The following CTNNA2 variants were observed in gnomAD, a reference collection of about 807,000 sequenced individuals.
CTNNA2 encodes the protein catenin alpha 2.
A neutral mutation model predicts 101.0 loss-of-function variants in CTNNA2; 42 were observed. That is an observed-to-expected ratio of 0.42 (90% CI 0.32 to 0.54). The LOEUF (loss-of-function observed/expected upper bound fraction) is 0.54, where lower values mean the gene tolerates loss of function less well. CTNNA2 is among the 20% of genes least tolerant of loss of function. CTNNA2 has a pLI of 0.14. For synonymous variants in CTNNA2, 450 were observed against 456.4 expected (o/e 0.99, Z 0.18); for missense variants, 871 against 1,223.1 (o/e 0.71, Z 4.29).
At chr2:80,239,622 A>T (rs1168310012) in intron 7 of CTNNA2, among the ~76,000 whole-genome samples, 4 of 152,148 alleles carry the variant, frequency 2.6e-5, no homozygotes, top group African/African-American at 9.7e-5. Context: ...ATAAAATAGA[A>T]TAGTTATGGC....
At chr2:80,527,330 C>T (rs1443440044) in intron 9 of CTNNA2, among the ~76,000 whole-genome samples, 1 of 152,144 alleles carries the variant, frequency 6.6e-6, no homozygotes, top group African/African-American at 2.4e-5. Flanking sequence ...TGTGGTAGGC[C>T]TGTGAGTCTC....
chr2:80,226,747 G>A (rs547647006), intron 7 of CTNNA2, among the ~76,000 whole-genome samples: 1 of 152,206 alleles, frequency 6.6e-6, no homozygotes, highest in South Asian at 2.1e-4. Flanking sequence ...TCATGACTCT[G>A]GGGGCCAAAG....
intron 4 of CTNNA2, among the ~76,000 whole-genome samples, chr2:79,495,068 A>C (rs189987181): frequency 4.6e-5 from 7 of 152,130 alleles, no homozygotes; most frequent in Non-Finnish European, 1.0e-4. Flanking sequence ...GCGCCACTGC[A>C]CTCCAGCCTG....
At chr2:79,672,690 T>C (rs79186956) in intron 2 of CTNNA2, among the ~76,000 whole-genome samples, 1,863 of 151,604 alleles carry the variant, frequency 0.012, 27 homozygotes, top group Middle Eastern at 0.021. Flanking sequence ...TATTTTCCGA[T>C]GCAACATTTT....
At chr2:79,416,400 TC>T (rs1678482112) in intron 4 of CTNNA2, among the ~76,000 whole-genome samples, 1 of 151,984 alleles carries the variant, frequency 6.6e-6, no homozygotes, top group African/African-American at 2.4e-5. Context: ...AAAGCTTTAA[TC>T]TTTTCCAAAC....
chr2:79,245,783 C>T (rs1028309432), intron 2 of CTNNA2, among the ~76,000 whole-genome samples: 3 of 152,186 alleles, frequency 2.0e-5, no homozygotes, highest in African/African-American at 7.2e-5. Context: ...TGTCTGGTCC[C>T]AGCCCCAAAT....
At chr2:79,502,291 T>C (rs1042151660) in intron 4 of CTNNA2, among the ~76,000 whole-genome samples, 4 of 152,346 alleles carry the variant, frequency 2.6e-5, no homozygotes, top group African/African-American at 9.6e-5. Flanking sequence ...TGTGCTATCT[T>C]GAGTAGCTAG....
intron 7 of CTNNA2, among the ~76,000 whole-genome samples, chr2:79,957,521 GTCTTTCCTGGCTCCTGTAAAGTTAGT>G (rs1689320947): frequency 6.6e-6 from 1 of 152,164 alleles, no homozygotes; most frequent in African/African-American, 2.4e-5. Flanking sequence ...TGTCAACAGG[GTCTTTCCTGGCTCCTGTAAAGTTAGT>G]TCTTTCCCAT....
rs561875077 is a variant in CTNNA2, at chr2:79,778,955, C to T, written c.298+34373C>T. Among the ~76,000 whole-genome samples, 7 of 152,294 alleles carry T rather than the reference C, an allele frequency of 4.6e-5. No homozygotes were observed. In the South Asian group the frequency reaches 1.5e-3, roughly 32 times the overall value. ...AACAAGTGGCAGTCTGAGTGTGGCCCATGGGCCAAAGTTTGCTAATTCCTG... is the reference window on the plus strand; with the variant it reads ...AACAAGTGGCAGTCTGAGTGTGGCCTATGGGCCAAAGTTTGCTAATTCCTG... On this transcript the variant is annotated intron_variant, in intron 3 of 18. Transcript: ENST00000402739.
At chr2:80,231,283 G>A (rs1307406360) in intron 7 of CTNNA2, among the ~76,000 whole-genome samples, 2 of 152,040 alleles carry the variant, frequency 1.3e-5, no homozygotes, top group African/African-American at 2.4e-5. Flanking sequence ...CACCACACCC[G>A]GCCTGTTCCT....
chr2:80,093,077 C>T (rs914413933), intron 7 of CTNNA2, among the ~76,000 whole-genome samples: 1 of 151,826 alleles, frequency 6.6e-6, no homozygotes, highest in African/African-American at 2.4e-5. Flanking sequence ...CATATGAATA[C>T]ATGTGCCATG....
intron 9 of CTNNA2, among the ~76,000 whole-genome samples, chr2:80,535,906 C>G (rs529866140): frequency 6.6e-6 from 1 of 152,172 alleles, no homozygotes; most frequent in Non-Finnish European, 1.5e-5. Flanking sequence ...CTACAATATT[C>G]TTCTGGGCAG....
At chr2:80,190,246 G>A (rs1706405355) in intron 7 of CTNNA2, among the ~76,000 whole-genome samples, 1 of 152,078 alleles carries the variant, frequency 6.6e-6, no homozygotes, top group African/African-American at 2.4e-5. Flanking sequence ...CTGATTACAG[G>A]GGAGAGAGTC....
At chr2:79,351,422 T>G (rs565869559) in intron 3 of CTNNA2, among the ~76,000 whole-genome samples, 2 of 152,298 alleles carry the variant, frequency 1.3e-5, no homozygotes, top group East Asian at 1.9e-4. Context: ...CATTGTTTAT[T>G]TATGTATGTA....
chr2:79,218,146 G>T (rs1013244519), intron 2 of CTNNA2, among the ~76,000 whole-genome samples: 8 of 152,252 alleles, frequency 5.3e-5, no homozygotes, highest in African/African-American at 1.7e-4. Context: ...AATTGGTAAG[G>T]CTCTGATCCC....
chr2:80,432,621 A>G (rs1031503414), intron 9 of CTNNA2, among the ~76,000 whole-genome samples: 5 of 152,192 alleles, frequency 3.3e-5, no homozygotes, highest in African/African-American at 1.2e-4. Flanking sequence ...TTAAAACAAT[A>G]GGACCCTCAT....
At chr2:79,439,809 C>G (rs1350767712) in intron 4 of CTNNA2, among the ~76,000 whole-genome samples, 1 of 151,992 alleles carries the variant, frequency 6.6e-6, no homozygotes, top group African/African-American at 2.4e-5. Context: ...CTACTAAATC[C>G]AAAATTCTGA....
intron 7 of CTNNA2, among the ~76,000 whole-genome samples, chr2:80,233,723 T>C (rs1052364680): frequency 6.6e-6 from 1 of 152,144 alleles, no homozygotes; most frequent in Admixed American, 6.6e-5. Context: ...TGGAGAAATA[T>C]CTGCACAGCA....
chr2:79,699,900 A>G (rs2104750127), intron 2 of CTNNA2, among the ~76,000 whole-genome samples: 1 of 148,172 alleles, frequency 6.7e-6, no homozygotes, highest in East Asian at 2.0e-4. Flanking sequence ...ACATATATTT[A>G]TATACCTATG....
Sources: allele counts gnomAD v4.1 joint callset (sites outside exome capture counted in the v4.1 genomes callset), GRCh38; gene constraint gnomAD v4.1.1; transcripts MANE v1.5; gene names NCBI Gene and HGNC (gene_info 2026-07-23, HGNC 2026-07-21).